Variants in DENND5A observed in about 807,000 individuals in gnomAD.
The protein encoded by DENND5A is DENN domain containing 5A.
Under a neutral mutation model 140.3 loss-of-function variants are expected in DENND5A, and 64 were observed. The ratio of observed to expected loss-of-function variants is 0.46; its 90% CI spans 0.37 to 0.56. The LOEUF (loss-of-function observed/expected upper bound fraction) is 0.56, where lower values mean the gene tolerates loss of function less well. DENND5A is among the 20% of genes least tolerant of loss of function. The pLI is 0.00. For synonymous variants in DENND5A, 605 were observed against 607.7 expected, an observed-to-expected ratio of 1.00 and a Z score of 0.07; for missense variants, 1,292 against 1,593.8, an observed-to-expected ratio of 0.81 and a Z score of 3.22.
At chr11:9,165,093 G>A (rs1258292721) in intron 11 of DENND5A, among the ~76,000 whole-genome samples, 4 of 151,690 alleles carry the variant, frequency 2.6e-5, no homozygotes, top group African/African-American at 4.8e-5. Context: ...TCCGCCTCCC[G>A]GGTTCAAGAG....
intron 21 of DENND5A, 58 bp downstream of exon 21, chr11:9,142,664 G>A (rs551080178): frequency 1.2e-6 from 2 of 1,606,288 alleles, no homozygotes; most frequent in Non-Finnish European, 8.5e-7. Context: ...TGCTATGCTG[G>A]TGAGTCCCCT....
chr11:9,225,948 G>C (rs1850513001), intron 1 of DENND5A, among the ~76,000 whole-genome samples: 1 of 152,054 alleles, frequency 6.6e-6, no homozygotes, highest in African/African-American at 2.4e-5. Context: ...GAGTATGTTG[G>C]CATGTGCCTA....
chr11:9,241,066 CCT>C (rs1191065542), intron 1 of DENND5A, among the ~76,000 whole-genome samples: 1 of 152,090 alleles, frequency 6.6e-6, no homozygotes, highest in African/African-American at 2.4e-5. Context: ...GTATTCTTCC[CCT>C]CATGTAATCC....
chr11:9,259,533 G>A (rs994919910), intron 1 of DENND5A, among the ~76,000 whole-genome samples: 2 of 151,710 alleles, frequency 1.3e-5, no homozygotes, highest in African/African-American at 4.8e-5. Context: ...GCCACTGCAC[G>A]CCAGCCTGGG....
intron 1 of DENND5A, among the ~76,000 whole-genome samples, chr11:9,252,018 G>C (rs1375847400): frequency 7.6e-6 from 1 of 131,092 alleles, no homozygotes. Flanking sequence ...AACTAAATCT[G>C]GCCAGGTGCA....
chr11:9,215,570 T>G (rs1241690233), intron 1 of DENND5A, among the ~76,000 whole-genome samples: 1 of 138,622 alleles, frequency 7.2e-6, no homozygotes, highest in Non-Finnish European at 1.5e-5. Flanking sequence ...TTTTTTGAGA[T>G]GGAGTCTCGC....
chr11:9,204,033 G>A lies in DENND5A; in HGVS notation c.576C>T (p.Asn192=), dbSNP rs751081025. 1.2e-6 allele frequency: 2 copies of A among 1,614,146 alleles called. No individual in the cohort carries two copies. Among genetic ancestry groups the A allele is most frequent in the Non-Finnish European group, 1.7e-6 (2 of 1,180,020 alleles). ...DTPVTKLQRF[N]SYDISRDTLY... is the part of the protein sequence containing the mutation. Reference sequence around the variant, plus strand: ...GAGTGTCCCGGCTAATGTCATAGGAGTTGAAGCGCTGCAGTTTGGTCACAG... The same window carrying A: ...GAGTGTCCCGGCTAATGTCATAGGAATTGAAGCGCTGCAGTTTGGTCACAG... The change falls in exon 4 of 23, where the codon AAC becomes AAT. Residue 192 remains asparagine (N), a synonymous_variant. Coordinates refer to ENST00000328194, the MANE Select transcript of DENND5A (RefSeq NM_015213.4).
At chr11:9,220,554 A>G (rs1850269837) in intron 1 of DENND5A, among the ~76,000 whole-genome samples, 1 of 151,006 alleles carries the variant, frequency 6.6e-6, no homozygotes, top group African/African-American at 2.4e-5. Context: ...TCTCAAAAAT[A>G]ATAATAATAA....
chr11:9,155,707 G>A (rs1355461714), intron 12 of DENND5A, among the ~76,000 whole-genome samples: 1 of 152,234 alleles, frequency 6.6e-6, no homozygotes, highest in Non-Finnish European at 1.5e-5. Flanking sequence ...TCCTTTTCAT[G>A]TGTCAACCCT....
At position 9,141,802 on chromosome 11, in the gene DENND5A, G is replaced by T. The variant is rs957375875; in HGVS notation, c.3680+138C>A. The T allele has an allele frequency of 1.3e-5, 9 of 669,232 alleles. No individual in the cohort carries two copies. The African/African-American group carries it at 1.7e-4, about 12-fold the overall frequency. The allele number at this position is 669,232 out of a possible 1,614,324, so 41.5% of individuals were successfully genotyped here. On this transcript the variant is annotated intron_variant, in intron 22 of 22. Transcript: ENST00000328194. The stretch of plus-strand genomic sequence containing the variant: ...TACACGATACACAGAGGAAATTCAG[G>T]GCTTCTAGGAAACCTTCTAAGGCCT...
At chr11:9,143,283 C>T (rs1847309705) in intron 20 of DENND5A, 120 bp downstream of exon 20, 9 of 904,022 alleles carry the variant, frequency 1.0e-5, no homozygotes, top group Non-Finnish European at 1.6e-5. Flanking sequence ...ACACACTCTA[C>T]AAGACTCTAG....
intron 1 of DENND5A, among the ~76,000 whole-genome samples, chr11:9,252,878 C>T (rs1417143097): frequency 2.1e-5 from 3 of 145,878 alleles, no homozygotes; most frequent in Admixed American, 6.8e-5. Context: ...GAGTCAGGGT[C>T]TCACCCTATT....
At chr11:9,181,132 C>A in intron 5 of DENND5A, 48 bp from the exon 6 acceptor site, 2 of 1,540,962 alleles carry the variant, frequency 1.3e-6, no homozygotes, top group East Asian at 2.3e-5. Flanking sequence ...CAGAGCATTA[C>A]AGGAAGAAGT....
At chr11:9,183,767 T>A (rs1169917951) in intron 5 of DENND5A, among the ~76,000 whole-genome samples, 2 of 152,186 alleles carry the variant, frequency 1.3e-5, no homozygotes, top group Non-Finnish European at 1.5e-5. Flanking sequence ...GGTAGTAACT[T>A]CAATCAACAT....
chr11:9,145,257 A>G, intron 17 of DENND5A, 144 bp from the exon 18 acceptor site: 1 of 666,098 alleles, frequency 1.5e-6, no homozygotes, highest in Non-Finnish European at 2.7e-6. Flanking sequence ...ACATACCGCC[A>G]GAACTGCGGT....
chr11:9,178,981 G>A lies in DENND5A; in HGVS notation c.1548C>T (p.Ile516=). The change falls in exon 7 of 23, where the codon ATC becomes ATT. Residue 516 remains isoleucine (I), a synonymous_variant. Coordinates refer to ENST00000328194, the MANE Select transcript of DENND5A (RefSeq NM_015213.4). The part of the protein sequence containing the change: ...ELRIYQLNIQ[I]REVFANRFTQ... ...TGAAACGATTTGCAAAAACTTCCCG[G>A]ATCTGAATGTTTAGCTGGTAAATCC... 1 of 1,614,080 alleles carries A rather than the reference G, an allele frequency of 6.2e-7. No homozygotes were observed. Among genetic ancestry groups the A allele is most frequent in the Non-Finnish European group, 8.5e-7 (1 of 1,180,002 alleles).
At chr11:9,160,573 T>C (rs925185075) in intron 12 of DENND5A, 140 bp downstream of exon 12, 3 of 583,618 alleles carry the variant, frequency 5.1e-6, no homozygotes, top group Admixed American at 3.1e-5. Context: ...ATTTATTTAA[T>C]TGTTTATTTC....
At chr11:9,260,027 C>CAA (rs56390201) in intron 1 of DENND5A, among the ~76,000 whole-genome samples, 34 of 63,888 alleles carry the variant, frequency 5.3e-4, no homozygotes, top group African/African-American at 1.2e-3. Flanking sequence ...GACTCCATCT[C>CAA]AAAAAAAAAA....
chr11:9,201,628 C>G (rs1849527495), intron 4 of DENND5A, among the ~76,000 whole-genome samples: 1 of 152,176 alleles, frequency 6.6e-6, no homozygotes. Context: ...CATGAAGGCA[C>G]CACTTAACTC....
Sources: gnomAD v4.1 joint callset for allele counts (sites outside exome capture counted in the v4.1 genomes callset) on GRCh38, gnomAD v4.1.1 for gene constraint, MANE v1.5 for transcripts, NCBI Gene and HGNC (gene_info 2026-07-23, HGNC 2026-07-21) for gene names.